The following PACS1 variants were observed in gnomAD, a reference collection of about 807,000 sequenced individuals.
PACS1 encodes the protein PACS-1.
PACS1 carries 24 observed loss-of-function variants against 115.0 expected under a neutral mutation model. That is an observed-to-expected ratio of 0.21 (90% CI 0.15 to 0.29). The LOEUF is 0.29. Among genes scored for constraint, PACS1 ranks in the 10% least tolerant of loss-of-function variants. PACS1 has a pLI of 1.00. For synonymous variants in PACS1, 453 were observed against 504.5 expected, an observed-to-expected ratio of 0.90 and a Z score of 1.37; for missense variants, 838 against 1,251.2, an observed-to-expected ratio of 0.67 and a Z score of 4.98.
At chr11:66,074,466 T>C (rs1313544426) in intron 1 of PACS1, among the ~76,000 whole-genome samples, 1 of 152,216 alleles carries the variant, frequency 6.6e-6, no homozygotes, top group East Asian at 1.9e-4. Context: ...GTTTCCCTGA[T>C]GTTCTTTTCT....
chr11:66,103,668 G>A (rs1307652070), intron 1 of PACS1, among the ~76,000 whole-genome samples: 4 of 151,640 alleles, frequency 2.6e-5, no homozygotes, highest in Non-Finnish European at 5.9e-5. Flanking sequence ...GCACCACCAC[G>A]CCCAGCTGAT....
intron 1 of PACS1, among the ~76,000 whole-genome samples, chr11:66,120,124 CTG>C (rs999459857): frequency 6.7e-6 from 1 of 149,594 alleles, no homozygotes; most frequent in African/African-American, 2.5e-5. Flanking sequence ...TCTACTATAA[CTG>C]TGAAAATTAT....
chr11:66,188,939 C>T (rs1590806795), intron 1 of PACS1, among the ~76,000 whole-genome samples: 1 of 152,262 alleles, frequency 6.6e-6, no homozygotes, highest in Middle Eastern at 3.4e-3. Flanking sequence ...TTTATACCAA[C>T]TTCAATTGGT....
chr11:66,219,306 AGGTGTGTT>A (rs991101804), intron 7 of PACS1, among the ~76,000 whole-genome samples: 1 of 151,818 alleles, frequency 6.6e-6, no homozygotes, highest in Non-Finnish European at 1.5e-5. Context: ...ATGTTGGTTC[AGGTGTGTT>A]GGCGACATCA....
intron 10 of PACS1, among the ~76,000 whole-genome samples, chr11:66,226,623 T>C (rs1005420119): frequency 6.6e-6 from 1 of 152,214 alleles, no homozygotes; most frequent in Admixed American, 6.5e-5. Context: ...CCTTGTTCCA[T>C]AGTTTACTAG....
rs999417971 is a variant in PACS1, at chr11:66,110,576, G to T, written c.356+39734G>T. 1.4e-4 allele frequency among the ~76,000 whole-genome samples: 21 copies of T among 151,340 alleles called. No homozygotes were observed. The East Asian group carries it at 1.6e-3, about 11-fold the overall frequency. On this transcript the variant is annotated intron_variant, in intron 1 of 23. Coordinates refer to ENST00000320580, the MANE Select transcript of PACS1 (RefSeq NM_018026.4). ...CTTCTCTTTCCTGTAGTTTTTTTTT[G>T]TTTGTTTTGTTTTGAGAAAGGGTCT...
At chr11:66,239,728 C>T (rs1178957282) in intron 21 of PACS1, among the ~76,000 whole-genome samples, 1 of 152,224 alleles carries the variant, frequency 6.6e-6, no homozygotes, top group South Asian at 2.1e-4. Flanking sequence ...GAGCATGGCA[C>T]TTGGGAAATA....
intron 10 of PACS1, chr11:66,221,506 C>T (rs1433225414): frequency 2.4e-5 from 11 of 452,310 alleles, no homozygotes; most frequent in Non-Finnish European, 4.5e-5. Flanking sequence ...ATTACCTGGG[C>T]GTGATGGTGT....
chr11:66,088,672 C>T (rs556120529), intron 1 of PACS1, among the ~76,000 whole-genome samples: 4 of 152,296 alleles, frequency 2.6e-5, no homozygotes, highest in South Asian at 2.1e-4. Context: ...AGGCCTGTTA[C>T]GTAGTGTGTC....
At chr11:66,234,465 G>A (rs1565158202) in intron 17 of PACS1, among the ~76,000 whole-genome samples, 1 of 152,228 alleles carries the variant, frequency 6.6e-6, no homozygotes. Context: ...CTCTGCTCCT[G>A]TTCATCTGGA....
Position 66,211,235 on chromosome 11 carries a change from C to G in PACS1, c.636C>G (p.Ala212=). Residue 212 remains alanine, a synonymous_variant, in exon 4 of 24, where the codon GCC becomes GCG. Transcript: ENST00000320580. The stretch of plus-strand genomic sequence containing the variant: ...CCATCTTGGGCTATAAGACCTTGGC[C>G]GTGGGACTCATCAACATGGCAGAGG... ...NRTILGYKTL[A]VGLINMAEVM... The G allele has an allele frequency of 4.3e-6, 7 of 1,613,626 alleles. No homozygotes were observed. Among genetic ancestry groups the G allele is most frequent in the Non-Finnish European group, 5.9e-6 (7 of 1,179,680 alleles).
In PACS1 at chr11:66,070,468, AC is replaced by A; in HGVS notation, c.-14del. ...GATCGGCGTCGCCTCGGCCTCCGTAACCCCCGCCTAGCCGGGCCATGGCGGA... is the reference window on the plus strand; with the variant it reads ...GATCGGCGTCGCCTCGGCCTCCGTAACCCCGCCTAGCCGGGCCATGGCGGA... On this transcript the variant is annotated 5_prime_UTR_variant, in exon 1 of 24. Coordinates refer to ENST00000320580, the MANE Select transcript of PACS1 (RefSeq NM_018026.4). This position sits in a 1 kb window ranked among gnomAD's most constrained non-coding sequence, Gnocchi z 5.9. The A allele has an allele frequency of 1.6e-6, 2 of 1,248,220 alleles. No homozygotes were observed. Among genetic ancestry groups the A allele is most frequent in the Non-Finnish European group, 2.0e-6 (2 of 997,484 alleles). The allele number at this position is 1,248,220 out of a possible 1,614,324, so 77.3% of individuals were successfully genotyped here.
intron 1 of PACS1, among the ~76,000 whole-genome samples, chr11:66,188,650 G>A (rs747533551): frequency 3.3e-5 from 5 of 152,200 alleles, no homozygotes; most frequent in East Asian, 1.9e-4. Flanking sequence ...CATGAGAAGC[G>A]CCCACCAGTG....
Position 66,175,995 on chromosome 11 carries a change from C to G in PACS1, c.357-17491C>G, listed in dbSNP as rs532967830. On this transcript the variant is annotated intron_variant, in intron 1 of 23. Coordinates refer to ENST00000320580, the MANE Select transcript of PACS1 (RefSeq NM_018026.4). Reference sequence around the variant, plus strand: ...ACAGTAACTTCCTAACTCTTCTTGTCTTTATACTCACCAGTTCCAATCTAC... The same window carrying G: ...ACAGTAACTTCCTAACTCTTCTTGTGTTTATACTCACCAGTTCCAATCTAC... Among the ~76,000 whole-genome samples, 13 of 152,292 alleles carry G rather than the reference C, an allele frequency of 8.5e-5. No individual in the cohort carries two copies. The East Asian group carries it at 2.3e-3, about 27-fold the overall frequency.
At chr11:66,208,307 G>C (rs1854991112) in intron 2 of PACS1, among the ~76,000 whole-genome samples, 1 of 152,070 alleles carries the variant, frequency 6.6e-6, no homozygotes, top group African/African-American at 2.4e-5. Context: ...GAGATGAGCA[G>C]CTCAAAAATT....
chr11:66,123,631 C>T (rs950598175), intron 1 of PACS1, among the ~76,000 whole-genome samples: 1 of 152,056 alleles, frequency 6.6e-6, no homozygotes, highest in African/African-American at 2.4e-5. Context: ...ATGCCATTCT[C>T]CTGCCTCAGC....
At chr11:66,242,447 G>A (rs532626159) in intron 22 of PACS1, among the ~76,000 whole-genome samples, 1 of 152,360 alleles carries the variant, frequency 6.6e-6, no homozygotes, top group South Asian at 2.1e-4. Context: ...AGGGGAAGCT[G>A]CCTGCTCAGC....
chr11:66,145,311 G>A (rs769705408), intron 1 of PACS1, among the ~76,000 whole-genome samples: 1 of 152,156 alleles, frequency 6.6e-6, no homozygotes, highest in Non-Finnish European at 1.5e-5. Context: ...GGGTACAGCA[G>A]GCCGTGAAAA....
At chr11:66,229,504 C>A (rs1449892943) in intron 11 of PACS1, among the ~76,000 whole-genome samples, 5 of 151,932 alleles carry the variant, frequency 3.3e-5, no homozygotes, top group African/African-American at 1.2e-4. Flanking sequence ...TCGAGACCAT[C>A]CTGGCTAACA....
Sources: gnomAD v4.1 joint callset for allele counts (sites outside exome capture counted in the v4.1 genomes callset) on GRCh38, gnomAD v4.1.1 for gene constraint, Gnocchi (gnomAD v3.1) non-coding constraint, MANE v1.5 for transcripts, NCBI Gene and HGNC (gene_info 2026-07-23, HGNC 2026-07-21) for gene names.